The following UNC93B1 variants were observed in gnomAD, a reference collection of about 807,000 sequenced individuals.
UNC93B1 encodes the protein protein unc-93 homolog B1.
UNC93B1 carries 33 observed loss-of-function variants against 56.8 expected under a neutral mutation model. The ratio of observed to expected loss-of-function variants is 0.58; its 90% confidence interval spans 0.44 to 0.78. The LOEUF is 0.78. Ranked by LOEUF, UNC93B1 falls within the 30% of genes least tolerant of loss-of-function variation. The pLI, the probability that UNC93B1 is intolerant of heterozygous loss-of-function variation, is 0.00. For synonymous variants in UNC93B1, 334 were observed against 358.6 expected (o/e 0.93, Z 0.77); for missense variants, 673 against 819.5 (o/e 0.82, Z 2.18).
rs1005812121 is a variant in UNC93B1 at position 68,004,040 on chromosome 11, C to G, written c.4G>C (p.Glu2Gln). 2.1e-6 allele frequency: 3 copies of G among 1,396,186 alleles called. No homozygotes were observed. In the African/African-American group the frequency reaches 4.5e-5, roughly 21 times the overall value. 86.5% of individuals were successfully genotyped at this position (1,396,186 alleles called of 1,614,324 possible). A position where few individuals can be genotyped will look rare whatever the true frequency, so the allele number is the denominator to read the frequency against. The stretch of plus-strand genomic sequence containing the variant: ...ATCGGGTAGAGCGGCGGCTCCGCCT[C>G]CATGGCCCGAACTACTGCGGACTCG... M[E>Q]AEPPLYPMAG... The change falls in exon 1 of 11, where the codon GAG (glutamate) becomes CAG (glutamine). Residue 2 changes from glutamate (E) to glutamine (Q), a missense_variant. Transcript: ENST00000227471.
rs1047633184 is a variant in UNC93B1 at position 68,004,027 on chromosome 11, G to A, written c.17C>T (p.Pro6Leu). The A allele has an allele frequency of 3.6e-6, 5 of 1,399,990 alleles. No individual in the cohort carries two copies. In the South Asian group the frequency reaches 4.5e-5, roughly 13 times the overall value. The allele number at this position is 1,399,990 out of a possible 1,614,324, so 86.7% of individuals were successfully genotyped here. ...CGCAGCCCCCGCCATCGGGTAGAGC[G>A]GCGGCTCCGCCTCCATGGCCCGAAC... MEAEP[P>L]LYPMAGAAGP... The change falls in exon 1 of 11, where the codon CCG (proline) becomes CTG (leucine). Residue 6 changes from proline to leucine, a missense_variant. This residue lies in a region of UNC93B1 where 438 missense variants were observed against 465.9 expected (regional missense o/e 0.94). Transcript: ENST00000227471.
chr11:67,996,089 G>A lies in UNC93B1; in HGVS notation c.1090-205C>T, dbSNP rs374930076. 2.7e-4 allele frequency: 97 copies of A among 360,746 alleles called. 1 individual carries two copies. The highest frequency in any genetic ancestry group is 2.0e-3 in the African/African-American group (96 of 47,374). 22.3% of individuals were successfully genotyped at this position (360,746 alleles called of 1,614,324 possible). On this transcript the variant is annotated intron_variant, in intron 8 of 10. Coordinates refer to ENST00000227471, the MANE Select transcript of UNC93B1 (RefSeq NM_030930.4). ...GGTCCTAAGAGTCGGGGGGAAAAGA[G>A]GGGTTGGCTCTTACTCCCCGCATCG...
At chr11:67,996,851 C>A in intron 7 of UNC93B1, 67 bp from the exon 8 acceptor site, 1 of 1,443,868 alleles carries the variant, frequency 6.9e-7, no homozygotes, top group Non-Finnish European at 9.1e-7. Context: ...TTCAGCCCCG[C>A]CCTTCAGATG....
At position 67,996,620 on chromosome 11, in the gene UNC93B1, G is replaced by A. The variant is rs796106217; in HGVS notation, c.1071C>T (p.Ala357=). The A allele has an allele frequency of 5.2e-5, 80 of 1,550,404 alleles. No individual in the cohort carries two copies. The highest frequency in any genetic ancestry group is 6.4e-5 in the Non-Finnish European group (73 of 1,145,956). ...TACTTACCAAGGCGATACCAGTGCA[G>A]GCAAAGAGCACCTCGAAGCCGCTGT... ...FIYSGFEVLF[A]CTGIALGYGV... The change falls in exon 8 of 11, where the codon GCC becomes GCT. Residue 357 remains alanine, a synonymous_variant. Transcript: ENST00000227471.
At chr11:67,993,903 G>A (rs1294090037) in intron 9 of UNC93B1, 109 bp from the exon 10 acceptor site, 4 of 790,946 alleles carry the variant, frequency 5.1e-6, no homozygotes, top group African/African-American at 1.7e-5. Context: ...TCCCAGCCCC[G>A]GACCAGAGAG....
chr11:67,998,262 G>A, intron 6 of UNC93B1, 97 bp downstream of exon 6: 1 of 1,427,216 alleles, frequency 7.0e-7, no homozygotes, highest in Non-Finnish European at 9.9e-7. Flanking sequence ...TGGGGCACTG[G>A]GCTGCCAGCC....
At chr11:68,000,895 T>C (rs1857034417) in intron 3 of UNC93B1, among the ~76,000 whole-genome samples, 1 of 151,990 alleles carries the variant, frequency 6.6e-6, no homozygotes, top group South Asian at 2.1e-4. Flanking sequence ...GAAATTGCGC[T>C]TATAAAGTGC....
intron 9 of UNC93B1, 34 bp downstream of exon 9, chr11:67,995,577 C>T (rs1856926076): frequency 2.0e-5 from 1 of 50,332 alleles, no homozygotes; most frequent in South Asian, 1.0e-3. Context: ...CCCTGCCCCG[C>T]CCCCCCCCCC....
intron 10 of UNC93B1, among the ~76,000 whole-genome samples, chr11:67,993,015 C>T (rs545259829): frequency 3.3e-5 from 5 of 151,918 alleles, no homozygotes; most frequent in African/African-American, 4.8e-5. Flanking sequence ...GACGGAGTTT[C>T]GCTCTTGTTG....
chr11:67,995,962 G>GA, intron 8 of UNC93B1, 78 bp from the exon 9 acceptor site: 5 of 1,341,010 alleles, frequency 3.7e-6, no homozygotes, highest in South Asian at 3.4e-5. Context: ...CATCGCGGGG[G>GA]TGCCTCACCC....
In UNC93B1 at chr11:68,003,503, C is replaced by T; in HGVS notation, c.238+154G>A. On this transcript the variant is annotated intron_variant, in intron 2 of 10. Transcript: ENST00000227471. This position sits in a 1 kb window ranked among gnomAD's most constrained non-coding sequence, Gnocchi z 4.4. Reference sequence around the variant, plus strand: ...CGGGGACGCTGCGCTACTTGACCCCCCAACCCCACCCCCGCCGCGGGGGGC... The same window carrying T: ...CGGGGACGCTGCGCTACTTGACCCCTCAACCCCACCCCCGCCGCGGGGGGC... 1.6e-6 allele frequency: 2 copies of T among 1,219,476 alleles called. No homozygotes were observed. The highest frequency in any genetic ancestry group is 1.6e-5 in the African/African-American group (1 of 62,348). 75.5% of individuals were successfully genotyped at this position (1,219,476 alleles called of 1,614,324 possible).
Position 67,993,285 on chromosome 11 carries a change from G to A in UNC93B1, c.1482+391C>T, listed in dbSNP as rs186400519. Among the ~76,000 whole-genome samples, 365 of 152,360 alleles carry A rather than the reference G, an allele frequency of 2.4e-3. 2 individuals carry two copies. The highest frequency in any genetic ancestry group is 8.2e-3 in the African/African-American group (341 of 41,584). ...ATTACAGGCGTGAGCCACCGCGCCC[G>A]GCCTTTAGTTCTATTTTTAAAAAAT... is the stretch of plus-strand genomic sequence containing the variant. On this transcript the variant is annotated intron_variant, in intron 10 of 10. Transcript: ENST00000227471.
At chr11:67,994,404 T>G (rs953972446) in intron 9 of UNC93B1, among the ~76,000 whole-genome samples, 8 of 152,202 alleles carry the variant, frequency 5.3e-5, no homozygotes, top group African/African-American at 1.9e-4. Context: ...TGTGCTGTGT[T>G]CTGAAGTTCT....
At position 67,997,666 on chromosome 11, in the gene UNC93B1, G is replaced by A. The variant is rs367793190; in HGVS notation, c.906+9C>T. 3.1e-5 allele frequency: 50 copies of A among 1,601,330 alleles called. No individual in the cohort carries two copies. Among genetic ancestry groups the A allele is most frequent in the Admixed American group, 8.3e-5 (5 of 60,006 alleles). ...TCACTGACTGTCCTGCCCCCATCCC[G>A]GGCCGCACCAGCAGCATGGCCAGGA... On this transcript the variant is annotated intron_variant, in intron 7 of 10. Coordinates refer to ENST00000227471, the MANE Select transcript of UNC93B1 (RefSeq NM_030930.4).
At chr11:68,002,988 T>C in intron 3 of UNC93B1, 34 bp downstream of exon 3, 3 of 1,580,246 alleles carry the variant, frequency 1.9e-6, no homozygotes, top group East Asian at 2.4e-5. Context: ...GAAATGGGAG[T>C]ACCGCAGCAT....
intron 5 of UNC93B1, among the ~76,000 whole-genome samples, chr11:67,998,940 G>A (rs1448494627): frequency 2.0e-5 from 3 of 152,052 alleles, no homozygotes; most frequent in Non-Finnish European, 4.4e-5. Context: ...AAGAAATGAA[G>A]GTGGGGCAGA....
chr11:68,004,001 C>T lies in UNC93B1; in HGVS notation c.43G>A (p.Gly15Arg), dbSNP rs2134368859. 2 of 1,403,878 alleles carry T rather than the reference C, an allele frequency of 1.4e-6. No individual in the cohort carries two copies. The highest frequency in any genetic ancestry group is 1.5e-5 in the South Asian group (1 of 67,236). 87.0% of individuals were successfully genotyped at this position (1,403,878 alleles called of 1,614,324 possible). The change falls in exon 1 of 11, where the codon GGG (glycine) becomes AGG (arginine). Residue 15 changes from glycine (G) to arginine (R), a missense_variant. Coordinates refer to ENST00000227471, the MANE Select transcript of UNC93B1 (RefSeq NM_030930.4). ...AGCAGGTCCTCGTCGCCCTGCGGCC[C>T]CGCAGCCCCCGCCATCGGGTAGAGC... ...PPLYPMAGAA[G>R]PQGDEDLLGV...
rs750309178 is a variant in UNC93B1 at position 67,997,810 on chromosome 11, T to A, written c.782-11A>T. 1.5e-5 allele frequency: 24 copies of A among 1,603,760 alleles called. No homozygotes were observed. The highest frequency in any genetic ancestry group is 2.2e-5 in the South Asian group (2 of 90,480). ...CGTGGCTGTTGGTGCCTGGGAAGGG[T>A]GGGGGTGAGGGCACCGTGAGCAGAG... On this transcript the variant is annotated splice_polypyrimidine_tract_variant and intron_variant, in intron 6 of 10. Coordinates refer to ENST00000227471, the MANE Select transcript of UNC93B1 (RefSeq NM_030930.4).
rs553988844 is a variant in UNC93B1 at position 68,003,635 on chromosome 11, C to T, written c.238+22G>A. On this transcript the variant is annotated intron_variant, in intron 2 of 10. Coordinates refer to ENST00000227471, the MANE Select transcript of UNC93B1 (RefSeq NM_030930.4). The surrounding 1 kb of genome is among the most constrained non-coding windows in gnomAD (Gnocchi z 4.4). ...GGGCTGGGAGCGGGCGGGGCGGCCC[C>T]GGGTCCCCGAGCGGCACCTACCCAG... 23 of 1,509,362 alleles carry T rather than the reference C, an allele frequency of 1.5e-5. No homozygotes were observed. The highest frequency in any genetic ancestry group is 2.2e-4 in the Middle Eastern group (1 of 4,502). 93.5% of individuals were successfully genotyped at this position (1,509,362 alleles called of 1,614,324 possible).
Sources: gnomAD v4.1 joint callset for allele counts (sites outside exome capture counted in the v4.1 genomes callset) on GRCh38, gnomAD v4.1.1 for gene constraint, gnomAD v4.1.1 regional missense constraint, Gnocchi (gnomAD v3.1) non-coding constraint, MANE v1.5 for transcripts, NCBI Gene and HGNC (gene_info 2026-07-23, HGNC 2026-07-21) for gene names.